Variants in NALCN observed in about 807,000 individuals in gnomAD.
NALCN encodes the protein sodium leak channel NALCN.
Under a neutral mutation model 225.3 loss-of-function variants are expected in NALCN, and 111 were observed. The ratio of observed to expected loss-of-function variants is 0.49; its 90% CI spans 0.42 to 0.58. NALCN has a LOEUF of 0.58. NALCN is among the 20% of genes least tolerant of loss of function. The pLI, the probability that NALCN is intolerant of heterozygous loss-of-function variation, is 0.00. For synonymous variants in NALCN, 764 were observed against 769.0 expected (o/e 0.99, Z 0.11); for missense variants, 1,378 against 2,202.4 (o/e 0.63, Z 7.49).
chr13:101,131,868 A>G (rs1160170226), intron 17 of NALCN, among the ~76,000 whole-genome samples: 1 of 152,150 alleles, frequency 6.6e-6, no homozygotes, highest in East Asian at 1.9e-4. Context: ...TGCCTCTGTC[A>G]TCTTTATAGA....
rs2032308129 is a variant in NALCN at position 101,065,558 on chromosome 13, C to G, written c.4450G>C (p.Val1484Leu). The stretch of plus-strand genomic sequence containing the variant: ...AACTTGACGCGGAACGTGGGGATCA[C>G]CCCCTGCGGGGCAGAGCACAAGAAG... The part of the protein sequence containing the change: ...WNMVDDKREG[V>L]IPTFRVKFLL... The change falls in exon 40 of 44, where the codon GTG becomes CTG. Residue 1484 changes from valine (V) to leucine (L), a missense_variant. Physicochemically the swap from Val to Leu is conservative, Grantham distance 32. Around this residue, in one of 19 missense-constraint regions of NALCN, gnomAD observed 94 missense variants for 170.3 expected, o/e 0.55. Transcript: ENST00000251127. 6.2e-7 allele frequency: 1 copy of G among 1,613,776 alleles called. No individual in the cohort carries two copies. The highest frequency in any genetic ancestry group is 8.5e-7 in the Non-Finnish European group (1 of 1,179,986).
chr13:101,246,296 T>A (rs1199676175), intron 11 of NALCN, among the ~76,000 whole-genome samples: 2 of 152,130 alleles, frequency 1.3e-5, no homozygotes, highest in African/African-American at 4.8e-5. Flanking sequence ...TATCTAATAT[T>A]TGTGTTGCAG....
chr13:101,163,467 A>G (rs1389144024), intron 15 of NALCN, among the ~76,000 whole-genome samples: 1 of 152,202 alleles, frequency 6.6e-6, no homozygotes, highest in Non-Finnish European at 1.5e-5. Flanking sequence ...TTAATCACAC[A>G]TGACATGAAA....
chr13:101,382,774 T>C (rs2046886456), intron 3 of NALCN, among the ~76,000 whole-genome samples: 1 of 152,196 alleles, frequency 6.6e-6, no homozygotes, highest in Non-Finnish European at 1.5e-5. Flanking sequence ...TTCTTTTCCA[T>C]AGGAAGTAAT....
At chr13:101,231,304 GT>G (rs571223108) in intron 12 of NALCN, among the ~76,000 whole-genome samples, 81 of 152,098 alleles carry the variant, frequency 5.3e-4, no homozygotes, top group African/African-American at 8.7e-4. Context: ...TCACTCATTT[GT>G]TTAACAAACC....
At chr13:101,311,093 T>G (rs1222348759) in intron 7 of NALCN, among the ~76,000 whole-genome samples, 2 of 151,260 alleles carry the variant, frequency 1.3e-5, no homozygotes, top group Non-Finnish European at 2.9e-5. Flanking sequence ...GTAAGTTGGA[T>G]TGCTAGGTAT....
intron 13 of NALCN, among the ~76,000 whole-genome samples, chr13:101,196,551 C>T (rs1377041986): frequency 6.6e-6 from 1 of 152,062 alleles, no homozygotes; most frequent in Admixed American, 6.6e-5. Flanking sequence ...ATATCTCATC[C>T]CACTCATTAG....
chr13:101,146,407 T>G (rs908914758), intron 15 of NALCN, among the ~76,000 whole-genome samples: 7 of 152,074 alleles, frequency 4.6e-5, no homozygotes. Context: ...ATGATGACAA[T>G]GGTAAGGAAT....
At chr13:101,205,253 T>C (rs1213513961) in intron 13 of NALCN, among the ~76,000 whole-genome samples, 1 of 152,128 alleles carries the variant, frequency 6.6e-6, no homozygotes, top group East Asian at 1.9e-4. Flanking sequence ...GGCTGATTAA[T>C]GAAAAATAGA....
chr13:101,286,634 T>C (rs1303969313), intron 9 of NALCN, among the ~76,000 whole-genome samples: 1 of 152,200 alleles, frequency 6.6e-6, no homozygotes, highest in African/African-American at 2.4e-5. Context: ...ATTTTGGGCT[T>C]TTTTGTCCCT....
At chr13:101,248,246 G>A (rs1352996979) in intron 11 of NALCN, among the ~76,000 whole-genome samples, 2 of 152,056 alleles carry the variant, frequency 1.3e-5, no homozygotes, top group South Asian at 2.1e-4. Flanking sequence ...AATAATAAAG[G>A]TGAGAGGAGA....
intron 7 of NALCN, among the ~76,000 whole-genome samples, chr13:101,326,380 T>A (rs2044952887): frequency 1.3e-5 from 2 of 152,210 alleles, no homozygotes; most frequent in Non-Finnish European, 2.9e-5. Context: ...TGCTCAGAGA[T>A]GTGACTGCAC....
At chr13:101,353,352 T>C (rs1328251367) in intron 6 of NALCN, among the ~76,000 whole-genome samples, 1 of 152,302 alleles carries the variant, frequency 6.6e-6, no homozygotes, top group African/African-American at 2.4e-5. Flanking sequence ...TTAGTCTGGC[T>C]GTTACCGCCT....
chr13:101,409,329 T>C (rs2047712384), intron 1 of NALCN, among the ~76,000 whole-genome samples: 1 of 152,220 alleles, frequency 6.6e-6, no homozygotes, highest in Non-Finnish European at 1.5e-5. Context: ...GAGAACTGTC[T>C]TAACAGATTT....
intron 9 of NALCN, among the ~76,000 whole-genome samples, chr13:101,286,163 G>A (rs989297915): frequency 6.6e-6 from 1 of 152,126 alleles, no homozygotes. Context: ...ACAGAAGCTG[G>A]GCTAGCTAGC....
intron 3 of NALCN, among the ~76,000 whole-genome samples, chr13:101,389,540 TA>T (rs2047083916): frequency 6.6e-6 from 1 of 152,022 alleles, no homozygotes; most frequent in Non-Finnish European, 1.5e-5. Context: ...GGGTAAGAAA[TA>T]TTCGATAATT....
rs74117888 is a variant in NALCN, at chr13:101,361,616, T to C, written c.644+15084A>G. Among the ~76,000 whole-genome samples, 1,118 of 152,334 alleles carry C rather than the reference T, an allele frequency of 7.3e-3. 14 individuals carry two copies. Among genetic ancestry groups the C allele is most frequent in the African/African-American group, 0.025 (1,059 of 41,576 alleles). On this transcript the variant is annotated intron_variant, in intron 6 of 43. Coordinates refer to ENST00000251127, the MANE Select transcript of NALCN (RefSeq NM_052867.4). Reference sequence around the variant, plus strand: ...AGTCTTGCTTCTGATACAAGCTGTTTCATCTCAGCCACTTTATTTAACTTT... The same window carrying C: ...AGTCTTGCTTCTGATACAAGCTGTTCCATCTCAGCCACTTTATTTAACTTT...
chr13:101,138,505 A>C lies in NALCN; in HGVS notation c.2118+4575T>G, dbSNP rs554531430. On this transcript the variant is annotated intron_variant, in intron 17 of 43. Transcript: ENST00000251127. ...TCATTATTATGTGGGCTCTGATTCT[A>C]TGCTGGGAAGTACAGGGGCACGAGG... 6.1e-4 allele frequency among the ~76,000 whole-genome samples: 93 copies of C among 152,350 alleles called. 1 individual carries two copies. The highest frequency in any genetic ancestry group is 2.2e-3 in the African/African-American group (90 of 41,588).
chr13:101,319,327 T>C (rs1281198567), intron 7 of NALCN, among the ~76,000 whole-genome samples: 1 of 152,162 alleles, frequency 6.6e-6, no homozygotes, highest in Non-Finnish European at 1.5e-5. Context: ...CCCCTTTAGT[T>C]TGATGTTCTT....
Sources: gnomAD v4.1 joint callset for allele counts (sites outside exome capture counted in the v4.1 genomes callset) on GRCh38, gnomAD v4.1.1 for gene constraint, gnomAD v4.1.1 regional missense constraint, MANE v1.5 for transcripts, NCBI Gene and HGNC (gene_info 2026-07-23, HGNC 2026-07-21) for gene names.